The following SKAP1 variants were observed in gnomAD, a reference collection of about 807,000 sequenced individuals.
SKAP1 encodes src kinase associated phosphoprotein 1.
In SKAP1, 44 loss-of-function variants were observed where a neutral mutation model predicts 58.5. The observed-to-expected ratio is 0.75, with a 90% CI of 0.59 to 0.97. The LOEUF (loss-of-function observed/expected upper bound fraction) is 0.97. SKAP1 is among the 50% of genes least tolerant of loss of function. The probability of loss-of-function intolerance (pLI) is 0.00; values close to 1 mark genes in which losing one functional copy is unlikely to be tolerated. For missense variants in SKAP1, 390 were observed against 435.2 expected (o/e 0.90, Z 0.92); for synonymous variants, 127 against 149.7 (o/e 0.85, Z 1.11).
intron 4 of SKAP1, among the ~76,000 whole-genome samples, chr17:48,239,370 C>A (rs2065218118): frequency 6.6e-6 from 1 of 152,314 alleles, no homozygotes; most frequent in South Asian, 2.1e-4. Flanking sequence ...ATCAGCCTGG[C>A]AGTAAATCGG....
intron 4 of SKAP1, among the ~76,000 whole-genome samples, chr17:48,310,382 A>T (rs537438558): frequency 6.6e-6 from 1 of 151,902 alleles, no homozygotes; most frequent in African/African-American, 2.4e-5. Context: ...GTGAAGAAAA[A>T]CTCCACAGTT....
intron 11 of SKAP1, chr17:48,156,532 C>A: frequency 1.9e-6 from 1 of 519,574 alleles, no homozygotes; most frequent in African/African-American, 1.9e-5. Flanking sequence ...AGTCCCTCAC[C>A]AGAAAAAGCT....
chr17:48,220,596 C>T (rs2064990847), intron 4 of SKAP1, among the ~76,000 whole-genome samples: 1 of 152,064 alleles, frequency 6.6e-6, no homozygotes, highest in African/African-American at 2.4e-5. Flanking sequence ...GTGGCTCACG[C>T]CTGTAATCCC....
At chr17:48,152,177 C>A (rs2063909876) in intron 11 of SKAP1, among the ~76,000 whole-genome samples, 1 of 152,154 alleles carries the variant, frequency 6.6e-6, no homozygotes, top group Non-Finnish European at 1.5e-5. Context: ...CTGGGAATGT[C>A]TGCAAATTTA....
chr17:48,268,701 AGGCT>A (rs1165816481), intron 4 of SKAP1, among the ~76,000 whole-genome samples: 1 of 152,050 alleles, frequency 6.6e-6, no homozygotes, highest in Non-Finnish European at 1.5e-5. Flanking sequence ...CATGTTGGCC[AGGCT>A]GGTCTTGAAC....
intron 1 of SKAP1, among the ~76,000 whole-genome samples, chr17:48,404,064 G>T (rs1027922651): frequency 2.0e-5 from 3 of 150,604 alleles, no homozygotes; most frequent in Admixed American, 1.3e-4. Flanking sequence ...ACTCCAGCCT[G>T]GGAGACAGAG....
chr17:48,395,298 A>G (rs2067402524), intron 2 of SKAP1, among the ~76,000 whole-genome samples: 1 of 152,242 alleles, frequency 6.6e-6, no homozygotes, highest in African/African-American at 2.4e-5. Flanking sequence ...GTACAAATAC[A>G]GGAAAGAATT....
At chr17:48,204,271 T>G (rs1387043954) in intron 4 of SKAP1, 2 of 151,660 alleles carry the variant, frequency 1.3e-5, no homozygotes, top group African/African-American at 4.9e-5. Context: ...TTTTTTTTTT[T>G]TTTGTATTTT....
intron 1 of SKAP1, among the ~76,000 whole-genome samples, chr17:48,413,058 C>CA (rs34391254): frequency 0.21 from 29,443 of 141,998 alleles, 2,973 homozygotes; most frequent in Admixed American, 0.22. Flanking sequence ...AGCATATAAC[C>CA]AAAAAAAAAA....
the SKAP1 span, among the ~76,000 whole-genome samples, chr17:48,443,248 C>A: frequency 1.3e-5 from 2 of 152,180 alleles, no homozygotes; most frequent in African/African-American, 4.8e-5. Context: ...AACTCACATC[C>A]CATCTGTAAT....
chr17:48,234,516 T>C (rs1373238403), intron 4 of SKAP1, among the ~76,000 whole-genome samples: 1 of 152,166 alleles, frequency 6.6e-6, no homozygotes, highest in Non-Finnish European at 1.5e-5. Flanking sequence ...ATGAGGTAAA[T>C]GGCATCTGAG....
At chr17:48,377,038 C>A (rs187597873) in intron 2 of SKAP1, among the ~76,000 whole-genome samples, 29 of 152,164 alleles carry the variant, frequency 1.9e-4, no homozygotes, top group Middle Eastern at 3.4e-3. Context: ...CCTAGCACCC[C>A]AAAGCAGTTA....
rs1297673390 is a variant in SKAP1 at position 48,184,786 on chromosome 17, C to T, written c.504G>A (p.Leu168=). The change falls in exon 7 of 13, where the codon CTG becomes CTA. Residue 168 remains leucine, a synonymous_variant. Transcript: ENST00000336915. ...KGYGVRMAPH[L]RRDSKKESCF... ...AGGATTCTTTCTTGGAATCTCTTCGCAGGTGGGGGGCCATCCGTACACCGT... is the reference window on the plus strand; with the variant it reads ...AGGATTCTTTCTTGGAATCTCTTCGTAGGTGGGGGGCCATCCGTACACCGT... The T allele has an allele frequency of 6.2e-7, 1 of 1,613,950 alleles. No individual in the cohort carries two copies. Among genetic ancestry groups the T allele is most frequent in the Non-Finnish European group, 8.5e-7 (1 of 1,179,962 alleles).
At chr17:48,146,059 G>C (rs2063829002) in intron 11 of SKAP1, among the ~76,000 whole-genome samples, 1 of 152,026 alleles carries the variant, frequency 6.6e-6, no homozygotes, top group Admixed American at 6.5e-5. Flanking sequence ...ATTCTCAAAG[G>C]GTTTATGAAC....
intron 4 of SKAP1, chr17:48,307,917 T>C (rs1000648235): frequency 1.3e-5 from 2 of 152,244 alleles, no homozygotes; most frequent in African/African-American, 2.4e-5. Flanking sequence ...ATTTCTGATT[T>C]ATCTCTGGTT....
At chr17:48,244,137 G>C (rs1023320996) in intron 4 of SKAP1, among the ~76,000 whole-genome samples, 1 of 152,164 alleles carries the variant, frequency 6.6e-6, no homozygotes, top group Admixed American at 6.5e-5. Flanking sequence ...AGCTAATGTG[G>C]TTCTGCTTTC....
chr17:48,250,556 T>C (rs1274168355), intron 4 of SKAP1, among the ~76,000 whole-genome samples: 1 of 152,016 alleles, frequency 6.6e-6, no homozygotes, highest in Non-Finnish European at 1.5e-5. Flanking sequence ...GCTGGGATTA[T>C]AGGCGTCAGC....
At chr17:48,361,944 CA>C (rs1328401056) in intron 3 of SKAP1, among the ~76,000 whole-genome samples, 5 of 152,178 alleles carry the variant, frequency 3.3e-5, no homozygotes, top group Admixed American at 3.3e-4. Context: ...ATCAAAAGGG[CA>C]AGGTAAAAGA....
chr17:48,279,662 C>T (rs556747010), intron 4 of SKAP1, among the ~76,000 whole-genome samples: 2 of 152,310 alleles, frequency 1.3e-5, no homozygotes, highest in South Asian at 4.1e-4. Context: ...ATTGAAGCCA[C>T]TTGGGTGTCA....
Sources: gnomAD v4.1 joint callset for allele counts (sites outside exome capture counted in the v4.1 genomes callset) on GRCh38, gnomAD v4.1.1 for gene constraint, MANE v1.5 for transcripts, NCBI Gene and HGNC (gene_info 2026-07-23, HGNC 2026-07-21) for gene names.